Variants in RIMS2 observed in about 807,000 individuals in gnomAD.
RIMS2 encodes the protein regulating synaptic membrane exocytosis 2.
In RIMS2, 59 loss-of-function variants were observed where a neutral mutation model predicts 174.4. The observed-to-expected ratio is 0.34, with a 90% confidence interval of 0.27 to 0.42. RIMS2 has a LOEUF of 0.42. RIMS2 is among the 10% of genes least tolerant of loss of function. RIMS2 has a pLI of 1.00. For missense variants in RIMS2, 1,620 were observed against 1,666.3 expected (o/e 0.97, Z 0.48); for synonymous variants, 606 against 572.5 (o/e 1.06, Z -0.84).
intron 3 of RIMS2, among the ~76,000 whole-genome samples, chr8:103,772,187 A>G (rs930421200): frequency 2.6e-5 from 4 of 152,002 alleles, no homozygotes; most frequent in Non-Finnish European, 5.9e-5. Context: ...TAGGCACAAT[A>G]AAATAAAAGC....
chr8:104,068,401 T>C (rs1484040821), intron 19 of RIMS2, 111 bp from the exon 23 acceptor site: 7 of 538,064 alleles, frequency 1.3e-5, no homozygotes, highest in Non-Finnish European at 2.0e-5. Flanking sequence ...ACATGCTACA[T>C]TGAGTGAAAG....
intron 10 of RIMS2, among the ~76,000 whole-genome samples, chr8:103,925,067 T>C (rs1435172951): frequency 1.3e-5 from 2 of 151,640 alleles, no homozygotes; most frequent in Admixed American, 6.6e-5. Context: ...TAGTTCTTAA[T>C]AGTTTTAATT....
chr8:104,173,613 A>ATTTTTTTTTTTTTTTTT (rs71297262), intron 19 of RIMS2, among the ~76,000 whole-genome samples: 3 of 54,198 alleles, frequency 5.5e-5, no homozygotes, highest in South Asian at 1.1e-3. Flanking sequence ...AGCTCTTCTG[A>ATTTTTTTTTTTTTTTTT]TTTTTTTTTT....
chr8:103,917,569 T>C (rs2076846090), intron 8 of RIMS2, among the ~76,000 whole-genome samples: 1 of 152,230 alleles, frequency 6.6e-6, no homozygotes, highest in East Asian at 1.9e-4. Flanking sequence ...TAGTTCTTTA[T>C]GTAATTTACT....
At chr8:104,103,180 G>A (rs1043310341) in intron 19 of RIMS2, among the ~76,000 whole-genome samples, 1 of 143,580 alleles carries the variant, frequency 7.0e-6, no homozygotes, top group Non-Finnish European at 1.5e-5. Flanking sequence ...GTCCAGAATA[G>A]GAAAATCCTT....
intron 19 of RIMS2, among the ~76,000 whole-genome samples, chr8:104,097,278 C>T (rs537370663): frequency 2.0e-4 from 30 of 152,076 alleles, no homozygotes; most frequent in Admixed American, 1.1e-3. Flanking sequence ...TTATAGACAC[C>T]TTATACACAT....
intron 16 of RIMS2, among the ~76,000 whole-genome samples, chr8:103,978,875 T>C (rs1382481391): frequency 6.6e-6 from 1 of 152,204 alleles, no homozygotes; most frequent in Non-Finnish European, 1.5e-5. Flanking sequence ...TTTGTATATA[T>C]ATCTTTTTGT....
At chr8:104,131,378 G>C (rs910642277) in intron 19 of RIMS2, among the ~76,000 whole-genome samples, 1 of 152,104 alleles carries the variant, frequency 6.6e-6, no homozygotes, top group African/African-American at 2.4e-5. Flanking sequence ...AAATTTCTTG[G>C]ATTCTGATCT....
chr8:104,234,769 A>G (rs1020280989), intron 19 of RIMS2, among the ~76,000 whole-genome samples: 5 of 152,192 alleles, frequency 3.3e-5, no homozygotes, highest in South Asian at 2.1e-4. Context: ...ACAGGAACCC[A>G]TAATGGGAAA....
rs1374524 is a variant in RIMS2, at chr8:104,173,244, C to G, written c.3335-71672C>G. ...AGAAAAATTGTTTAAAATGAGTATT[C>G]ATTTTCATTTTTCTACTTAATTCAG... On this transcript the variant is annotated intron_variant, in intron 19 of 23. Coordinates refer to ENST00000504942, the Ensembl canonical transcript of RIMS2. Among the ~76,000 whole-genome samples, 187 of 152,160 alleles carry G rather than the reference C, an allele frequency of 1.2e-3. 1 individual carries two copies. The East Asian group carries it at 0.022, about 18-fold the overall frequency.
chr8:103,595,937 G>T (rs932004216), intron 1 of RIMS2, among the ~76,000 whole-genome samples: 1 of 151,882 alleles, frequency 6.6e-6, no homozygotes, highest in Non-Finnish European at 1.5e-5. Flanking sequence ...AACATACCAA[G>T]AAGTTACTTT....
At chr8:103,574,969 T>C (rs550775518) in intron 1 of RIMS2, among the ~76,000 whole-genome samples, 1 of 152,314 alleles carries the variant, frequency 6.6e-6, no homozygotes, top group East Asian at 1.9e-4. Context: ...ATTGTAGCTA[T>C]TAAAAATTTT....
At chr8:103,607,997 A>C (rs1002554454) in intron 1 of RIMS2, among the ~76,000 whole-genome samples, 5 of 147,546 alleles carry the variant, frequency 3.4e-5, no homozygotes, top group African/African-American at 1.3e-4. Flanking sequence ...TTCTTCTCTC[A>C]GCTCGTCAAA....
intron 2 of RIMS2, among the ~76,000 whole-genome samples, chr8:103,706,826 T>A (rs2097236303): frequency 6.6e-6 from 1 of 152,158 alleles, no homozygotes; most frequent in Non-Finnish European, 1.5e-5. Flanking sequence ...TGTATATCCA[T>A]CTTTCTCTAG....
chr8:103,611,377 T>G (rs926264334), intron 1 of RIMS2, among the ~76,000 whole-genome samples: 3 of 152,090 alleles, frequency 2.0e-5, no homozygotes, highest in African/African-American at 4.8e-5. Flanking sequence ...TAATATTTTG[T>G]TTTTTTCTGC....
At chr8:104,103,795 T>C (rs2097961991) in intron 19 of RIMS2, among the ~76,000 whole-genome samples, 1 of 152,152 alleles carries the variant, frequency 6.6e-6, no homozygotes, top group Non-Finnish European at 1.5e-5. Flanking sequence ...AATAATTAAA[T>C]ATATTATTCT....
At chr8:103,733,498 C>T (rs907085480) in intron 2 of RIMS2, among the ~76,000 whole-genome samples, 9 of 152,210 alleles carry the variant, frequency 5.9e-5, no homozygotes, top group Admixed American at 3.9e-4. Context: ...ACCCAGAAAT[C>T]GCAGTCTGGT....
At chr8:103,833,873 A>G (rs546539853) in intron 3 of RIMS2, among the ~76,000 whole-genome samples, 4 of 152,234 alleles carry the variant, frequency 2.6e-5, no homozygotes, top group Admixed American at 2.0e-4. Flanking sequence ...TCTCTTGAGT[A>G]TGGATCTTGT....
chr8:104,236,079 T>TA (rs2099256850), intron 19 of RIMS2, among the ~76,000 whole-genome samples: 1 of 151,772 alleles, frequency 6.6e-6, no homozygotes, highest in Admixed American at 6.6e-5. Flanking sequence ...TTTTTTTTTT[T>TA]ATCATTCTCT....
Sources: gnomAD v4.1 joint callset for allele counts (sites outside exome capture counted in the v4.1 genomes callset) on GRCh38, gnomAD v4.1.1 for gene constraint, MANE v1.5 for transcripts, NCBI Gene and HGNC (gene_info 2026-07-23, HGNC 2026-07-21) for gene names.